RBFOX1: variants seen among roughly 807,000 people sequenced by gnomAD.
RBFOX1 encodes the protein RNA binding fox-1 homolog 1.
RBFOX1 carries 8 observed loss-of-function variants against 57.7 expected under a neutral mutation model. The ratio of observed to expected loss-of-function variants is 0.14; its 90% CI spans 0.08 to 0.25. The LOEUF is 0.25. Ranked by LOEUF, RBFOX1 falls within the 10% of genes least tolerant of loss-of-function variation. The pLI, the probability that RBFOX1 is intolerant of heterozygous loss-of-function variation, is 1.00. For synonymous variants in RBFOX1, 326 were observed against 222.4 expected, an observed-to-expected ratio of 1.47 and a Z score of -4.15; for missense variants, 611 against 548.5, an observed-to-expected ratio of 1.11 and a Z score of -1.14.
chr16:6,863,896 C>G (rs186398718), intron 3 of RBFOX1, among the ~76,000 whole-genome samples: 1 of 151,634 alleles, frequency 6.6e-6, no homozygotes, highest in East Asian at 1.9e-4. Flanking sequence ...TAAACAGTTA[C>G]CAATCCATTG....
At chr16:6,551,665 C>G (rs1022229756) in intron 2 of RBFOX1, among the ~76,000 whole-genome samples, 30 of 152,056 alleles carry the variant, frequency 2.0e-4, no homozygotes, top group Non-Finnish European at 4.4e-5. Context: ...GAATGTGTAG[C>G]TAATATAGCT....
At chr16:5,684,187 G>A (rs1255972187) in intron 3 of RBFOX1, among the ~76,000 whole-genome samples, 2 of 152,120 alleles carry the variant, frequency 1.3e-5, no homozygotes, top group Non-Finnish European at 2.9e-5. Context: ...CCCTGGAGGT[G>A]GGGAGAGGAT....
chr16:6,944,623 C>G lies in RBFOX1; in HGVS notation c.-15-107434C>G, dbSNP rs28608105. On this transcript the variant is annotated intron_variant, in intron 3 of 15. Coordinates refer to ENST00000550418, the MANE Select transcript of RBFOX1 (RefSeq NM_018723.4). ...CTCAGGTGGAATCTTCAGCCTCTGT[C>G]TAGTTTTTGTGGGGGTCTGGCCATG... Among the ~76,000 whole-genome samples the G allele has an allele frequency of 8.8e-3, 1,336 of 152,030 alleles. 19 individuals carry two copies. The highest frequency in any genetic ancestry group is 0.031 in the African/African-American group (1,281 of 41,460).
chr16:7,427,736 C>T (rs139035458), intron 4 of RBFOX1, among the ~76,000 whole-genome samples: 1 of 152,104 alleles, frequency 6.6e-6, no homozygotes, highest in East Asian at 1.9e-4. Flanking sequence ...TCACTGCAAA[C>T]TCCACCTCCC....
rs541126282 is a variant in RBFOX1, at chr16:6,698,682, T to G, written c.-16+44032T>G. 2.6e-4 allele frequency among the ~76,000 whole-genome samples: 40 copies of G among 152,328 alleles called. 1 individual carries two copies. In the South Asian group the frequency reaches 7.9e-3, roughly 30 times the overall value. ...CTTTTAGGTTAGAATCACATTATTC[T>G]ATGCTATTTTCAGCATCTCCCACCT... On this transcript the variant is annotated intron_variant, in intron 3 of 15. Coordinates refer to ENST00000550418, the MANE Select transcript of RBFOX1 (RefSeq NM_018723.4).
chr16:7,286,448 A>ATTTTTTTT (rs940492155), intron 4 of RBFOX1, among the ~76,000 whole-genome samples: 1 of 121,892 alleles, frequency 8.2e-6, no homozygotes. Context: ...ATACTTTCTT[A>ATTTTTTTT]TTTTTTTTTT....
intron 3 of RBFOX1, among the ~76,000 whole-genome samples, chr16:7,011,134 C>T (rs923859229): frequency 2.0e-5 from 3 of 151,406 alleles, no homozygotes; most frequent in African/African-American, 4.9e-5. Context: ...CTGTGTCTTA[C>T]ATAGTTGAAA....
chr16:6,367,792 C>T (rs531589359), intron 2 of RBFOX1, among the ~76,000 whole-genome samples: 3 of 150,318 alleles, frequency 2.0e-5, no homozygotes, highest in African/African-American at 4.9e-5. Context: ...GAGCAGAAAG[C>T]AAAGATGTTT....
intron 3 of RBFOX1, among the ~76,000 whole-genome samples, chr16:6,809,317 C>G (rs1186339321): frequency 2.0e-5 from 3 of 152,126 alleles, no homozygotes; most frequent in East Asian, 1.9e-4. Context: ...TTTTCTTTAA[C>G]CAGAGGGAAG....
At position 5,664,948 on chromosome 16, in the gene RBFOX1, C is replaced by CTTT. The variant is rs35998497; in HGVS notation, c.318+65996_318+65998dup. 4.3e-3 allele frequency among the ~76,000 whole-genome samples: 637 copies of CTTT among 146,922 alleles called. 5 individuals are homozygous for CTTT. The highest frequency in any genetic ancestry group is 0.027 in the East Asian group (135 of 4,996). On this transcript the variant is annotated intron_variant, in intron 3 of 19. Transcript: ENST00000641259. ...TGATTTCCCATTTGTTATCTCTGCT[C>CTTT]TTTTTTTTTTTATCGAGATAGGGTC...
chr16:7,144,559 G>T (rs567951967), intron 4 of RBFOX1, among the ~76,000 whole-genome samples: 1 of 151,472 alleles, frequency 6.6e-6, no homozygotes, highest in Non-Finnish European at 1.5e-5. Flanking sequence ...AAAAGAGCTG[G>T]AATTACATGC....
intron 2 of RBFOX1, among the ~76,000 whole-genome samples, chr16:5,590,131 A>G (rs776153482): frequency 6.6e-6 from 1 of 152,072 alleles, no homozygotes; most frequent in Non-Finnish European, 1.5e-5. Flanking sequence ...TGATTTCTTT[A>G]TTTTATGACT....
At chr16:5,993,988 G>A (rs2060450038) in intron 4 of RBFOX1, among the ~76,000 whole-genome samples, 1 of 152,136 alleles carries the variant, frequency 6.6e-6, no homozygotes, top group Non-Finnish European at 1.5e-5. Context: ...GTATGGGACG[G>A]TTCCTCTGAA....
At chr16:6,701,135 A>ACG (rs1555706825) in intron 3 of RBFOX1, among the ~76,000 whole-genome samples, 1 of 149,114 alleles carries the variant, frequency 6.7e-6, no homozygotes. Context: ...CTGTGTGTGT[A>ACG]TGTGTGTGTG....
chr16:5,351,312 C>T (rs371420046), intron 1 of RBFOX1, among the ~76,000 whole-genome samples: 18 of 152,268 alleles, frequency 1.2e-4, no homozygotes, highest in African/African-American at 4.3e-4. Flanking sequence ...TGATAGAATT[C>T]CGTCTTCTAA....
At chr16:7,357,127 G>C (rs142050765) in intron 4 of RBFOX1, among the ~76,000 whole-genome samples, 1 of 152,036 alleles carries the variant, frequency 6.6e-6, no homozygotes, top group Non-Finnish European at 1.5e-5. Flanking sequence ...AGAAGAAACT[G>C]TGTGCTCGAG....
chr16:5,264,105 G>A (rs1485994145), intron 1 of RBFOX1, among the ~76,000 whole-genome samples: 1 of 152,148 alleles, frequency 6.6e-6, no homozygotes, highest in Non-Finnish European at 1.5e-5. Context: ...GGAAGGTAAA[G>A]CAAGAAGGAA....
At chr16:5,304,148 G>C (rs773963879) in intron 1 of RBFOX1, among the ~76,000 whole-genome samples, 1 of 152,156 alleles carries the variant, frequency 6.6e-6, no homozygotes, top group Non-Finnish European at 1.5e-5. Flanking sequence ...TCAGCCCTTA[G>C]GCTACCAAGG....
At chr16:6,262,558 T>G (rs1279605363) in intron 1 of RBFOX1, among the ~76,000 whole-genome samples, 1 of 152,192 alleles carries the variant, frequency 6.6e-6, no homozygotes, top group Non-Finnish European at 1.5e-5. Context: ...TTTGTAGTTA[T>G]TTTGCTGTCA....
Sources: allele counts gnomAD v4.1 joint callset (sites outside exome capture counted in the v4.1 genomes callset), GRCh38; gene constraint gnomAD v4.1.1; transcripts MANE v1.5; gene names NCBI Gene and HGNC (gene_info 2026-07-23, HGNC 2026-07-21).